Variants in C3orf70 observed in about 807,000 individuals in gnomAD.
C3orf70 encodes the protein chromosome 3 open reading frame 70.
C3orf70 carries 15 observed loss-of-function variants against 20.7 expected under a neutral mutation model. The ratio of observed to expected loss-of-function variants is 0.72; its 90% CI spans 0.48 to 1.11. C3orf70 has a LOEUF of 1.11. Among genes scored for constraint, C3orf70 ranks in the 50% most tolerant of loss-of-function variants. The pLI is 0.00. For missense variants in C3orf70, 332 were observed against 317.6 expected, an observed-to-expected ratio of 1.05 and a Z score of -0.34; for synonymous variants, 161 against 125.7, an observed-to-expected ratio of 1.28 and a Z score of -1.88.
chr3:185,079,240 C>T lies in C3orf70; in HGVS notation c.*3767G>A, dbSNP rs1280742564. The T allele has an allele frequency of 2.8e-5, 4 of 142,102 alleles. No homozygotes were observed. The highest frequency in any genetic ancestry group is 6.0e-5 in the Non-Finnish European group (4 of 66,848). 8.8% of individuals were successfully genotyped at this position (142,102 alleles called of 1,614,324 possible). On this transcript the variant is annotated 3_prime_UTR_variant, in exon 2 of 2. Transcript: ENST00000335012. ...AGCTGGCAGTGAGCCGAGATCGCGC[C>T]ACTGCACTCCAGCCTGGGTGAAGGA...
At chr3:185,147,543 G>A (rs984662043) in intron 1 of C3orf70, among the ~76,000 whole-genome samples, 3 of 152,220 alleles carry the variant, frequency 2.0e-5, no homozygotes, top group South Asian at 4.1e-4. Flanking sequence ...ATGGTTAAGA[G>A]TCCGGGTGTA....
intron 1 of C3orf70, among the ~76,000 whole-genome samples, chr3:185,101,752 G>C (rs1283793834): frequency 3.3e-5 from 5 of 152,048 alleles, no homozygotes; most frequent in Non-Finnish European, 5.9e-5. Context: ...CCAGCCCCAT[G>C]ATCCAATCAC....
At chr3:185,092,516 C>T (rs537445447) in intron 1 of C3orf70, among the ~76,000 whole-genome samples, 2 of 152,236 alleles carry the variant, frequency 1.3e-5, no homozygotes, top group African/African-American at 4.8e-5. Flanking sequence ...CAATTATATG[C>T]CAGGCACTGA....
In C3orf70 at chr3:185,083,313, C is replaced by A. The variant is rs1231521742; in HGVS notation, c.447G>T (p.Gln149His). The A allele has an allele frequency of 1.9e-6, 3 of 1,614,090 alleles. 1 individual carries two copies. In the African/African-American group the frequency reaches 4.0e-5, roughly 22 times the overall value. The change falls in exon 2 of 2, where the codon CAG (glutamine) becomes CAT (histidine). Residue 149 changes from glutamine to histidine, a missense_variant. By Grantham distance (24) the Gln-to-His change is conservative (BLOSUM62 0). Transcript: ENST00000335012. ...INGKMCYVQK[Q>H]PAPHSHRMSP... ...TCATTCTGTGGGAATGTGGTGCCGG[C>A]TGCTTCTGCACATAACACATCTTCC...
At chr3:185,124,651 C>T (rs1013055481) in intron 1 of C3orf70, among the ~76,000 whole-genome samples, 7 of 151,856 alleles carry the variant, frequency 4.6e-5, no homozygotes, top group East Asian at 1.9e-4. Context: ...AAACAGAACA[C>T]GAAAAGCATA....
At chr3:185,105,747 T>C (rs4687040) in intron 1 of C3orf70, among the ~76,000 whole-genome samples, 40,354 of 152,022 alleles carry the variant, frequency 0.27, 5,701 homozygotes, top group African/African-American at 0.35. Context: ...GAATCCAGGT[T>C]GAAGGGTCGC....
At chr3:185,132,919 A>G (rs905064084) in intron 1 of C3orf70, among the ~76,000 whole-genome samples, 7 of 152,348 alleles carry the variant, frequency 4.6e-5, no homozygotes, top group Middle Eastern at 3.4e-3. Flanking sequence ...AAAGAGACAG[A>G]TATCTTTCAA....
chr3:185,137,470 C>A (rs553412475), intron 1 of C3orf70, among the ~76,000 whole-genome samples: 1 of 152,326 alleles, frequency 6.6e-6, no homozygotes, highest in Admixed American at 6.5e-5. Context: ...TTATAGAGCA[C>A]TTCATCCAAC....
intron 1 of C3orf70, among the ~76,000 whole-genome samples, chr3:185,123,210 T>C (rs9862951): frequency 0.048 from 7,113 of 148,564 alleles, 620 homozygotes; most frequent in African/African-American, 0.17. Context: ...ATTCACTCTG[T>C]GAAACTGCAT....
Position 185,152,734 on chromosome 3 carries a change from G to C in C3orf70, c.90C>G (p.Ala30=). Residue 30 remains alanine (A), a synonymous_variant, in exon 1 of 2, where the codon GCC becomes GCG. Transcript: ENST00000335012. The part of the protein sequence containing the change: ...EAQALARSCA[A]RRPDFQPCDG... The stretch of plus-strand genomic sequence containing the variant: ...CGCACGGCTGGAAGTCGGGTCTGCG[G>C]GCGGCGCAACTCCGCGCCAGGGCCT... 1.3e-6 allele frequency: 2 copies of C among 1,594,240 alleles called. No homozygotes were observed. The highest frequency in any genetic ancestry group is 2.4e-5 in the East Asian group (1 of 42,242).
chr3:185,126,367 G>A (rs1185643921), intron 1 of C3orf70, among the ~76,000 whole-genome samples: 1 of 152,100 alleles, frequency 6.6e-6, no homozygotes, highest in Non-Finnish European at 1.5e-5. Context: ...CAAGATGATA[G>A]AAAAGGATGT....
At chr3:185,121,831 G>A (rs571870093) in intron 1 of C3orf70, among the ~76,000 whole-genome samples, 15 of 152,322 alleles carry the variant, frequency 9.8e-5, no homozygotes, top group African/African-American at 3.1e-4. Context: ...CGGGCATGGT[G>A]GCTCACGCCT....
At chr3:185,120,150 G>A (rs1457615960) in intron 1 of C3orf70, among the ~76,000 whole-genome samples, 2 of 152,008 alleles carry the variant, frequency 1.3e-5, no homozygotes, top group African/African-American at 2.4e-5. Context: ...GGGTAACTTC[G>A]CAAGTATAAA....
chr3:185,095,735 CTT>C (rs756180408), intron 1 of C3orf70, among the ~76,000 whole-genome samples: 50 of 127,532 alleles, frequency 3.9e-4, no homozygotes, highest in Admixed American at 8.5e-4. Flanking sequence ...CATTCTGAAA[CTT>C]TTTTTTTTTT....
intron 1 of C3orf70, among the ~76,000 whole-genome samples, chr3:185,103,653 C>A (rs1003063456): frequency 1.3e-5 from 2 of 152,282 alleles, no homozygotes; most frequent in African/African-American, 4.8e-5. Context: ...TACCATCTCA[C>A]ACTGAGGGAG....
chr3:185,122,751 T>C (rs766113316), intron 1 of C3orf70, among the ~76,000 whole-genome samples: 3 of 152,118 alleles, frequency 2.0e-5, no homozygotes, highest in Non-Finnish European at 2.9e-5. Context: ...CTGACCTCAA[T>C]GTCGGCAAGC....
At chr3:185,140,567 A>T (rs1393785501) in intron 1 of C3orf70, among the ~76,000 whole-genome samples, 2 of 152,132 alleles carry the variant, frequency 1.3e-5, no homozygotes, top group East Asian at 3.9e-4. Context: ...CCTAATCCTT[A>T]ATGTGAGGGT....
intron 1 of C3orf70, among the ~76,000 whole-genome samples, chr3:185,149,546 G>T (rs992206832): frequency 6.6e-6 from 1 of 152,122 alleles, no homozygotes; most frequent in Non-Finnish European, 1.5e-5. Flanking sequence ...TAAAGAGAAG[G>T]TGTTCAATAT....
rs191605979 is a variant in C3orf70 at position 185,131,422 on chromosome 3, G to A, written c.196+21206C>T. Among the ~76,000 whole-genome samples the A allele has an allele frequency of 3.4e-3, 510 of 152,166 alleles. 4 individuals carry two copies. Among genetic ancestry groups the A allele is most frequent in the Non-Finnish European group, 4.6e-3 (311 of 67,998 alleles). On this transcript the variant is annotated intron_variant, in intron 1 of 1. Coordinates refer to ENST00000335012, the MANE Select transcript of C3orf70 (RefSeq NM_001025266.3). ...AGAGTTTGCCTGAAGTCTGATATCCGGTTAAACAGAGTATTAATATATTTA... is the reference window on the plus strand; with the variant it reads ...AGAGTTTGCCTGAAGTCTGATATCCAGTTAAACAGAGTATTAATATATTTA...
Sources: gnomAD v4.1 joint callset for allele counts (sites outside exome capture counted in the v4.1 genomes callset) on GRCh38, gnomAD v4.1.1 for gene constraint, MANE v1.5 for transcripts, NCBI Gene and HGNC (gene_info 2026-07-23, HGNC 2026-07-21) for gene names.